Variants in AFF3 observed in about 807,000 individuals in gnomAD.
AFF3 encodes the protein AF4/FMR2 family member 3.
Under a neutral mutation model 129.7 loss-of-function variants are expected in AFF3, and 32 were observed. The ratio of observed to expected loss-of-function variants is 0.25; its 90% confidence interval spans 0.19 to 0.33. The LOEUF is 0.33. Ranked by LOEUF, AFF3 falls within the 10% of genes least tolerant of loss-of-function variation. The probability of loss-of-function intolerance (pLI) is 1.00; values close to 1 mark genes in which losing one functional copy is unlikely to be tolerated. For missense variants in AFF3, 1,373 were observed against 1,592.0 expected (o/e 0.86, Z 2.34); for synonymous variants, 644 against 635.4 (o/e 1.01, Z -0.20).
At chr2:99,936,749 G>A (rs954432857) in intron 7 of AFF3, among the ~76,000 whole-genome samples, 4 of 152,164 alleles carry the variant, frequency 2.6e-5, no homozygotes, top group Admixed American at 2.6e-4. Flanking sequence ...TGCTAAAAAG[G>A]CAAACACACT....
intron 4 of AFF3, among the ~76,000 whole-genome samples, chr2:100,056,973 G>A (rs1396442175): frequency 1.3e-5 from 2 of 152,092 alleles, no homozygotes; most frequent in African/African-American, 4.8e-5. Context: ...CAGGGTTCAT[G>A]GGCTCTCAGG....
chr2:99,677,140 T>C lies in AFF3; in HGVS notation c.1092-4551A>G, dbSNP rs189085920. Among the ~76,000 whole-genome samples the C allele has an allele frequency of 6.5e-4, 99 of 151,802 alleles. No homozygotes were observed. The Middle Eastern group carries it at 0.021, about 32-fold the overall frequency. ...TAAAAATTAGACAGACATGGTGGTA[T>C]GGACCTGTAAACCCAGCTACTAGGG... On this transcript the variant is annotated intron_variant, in intron 11 of 24. Transcript: ENST00000672756.
chr2:99,786,450 GATAAA>G (rs1164913127), intron 8 of AFF3, among the ~76,000 whole-genome samples: 2 of 152,138 alleles, frequency 1.3e-5, no homozygotes, highest in African/African-American at 4.8e-5. Flanking sequence ...TGAATGTTCA[GATAAA>G]ATAAAGTTCA....
intron 20 of AFF3, 68 bp from the exon 21 acceptor site, chr2:99,560,504 T>TCATCCA: frequency 6.9e-7 from 1 of 1,450,062 alleles, no homozygotes; most frequent in Non-Finnish European, 9.6e-7. Flanking sequence ...AAAACTAGCT[T>TCATCCA]TTTTATTAAC....
intron 8 of AFF3, among the ~76,000 whole-genome samples, chr2:99,782,110 C>T (rs1684458913): frequency 6.6e-6 from 1 of 152,138 alleles, no homozygotes; most frequent in Non-Finnish European, 1.5e-5. Flanking sequence ...CTTTACAGAT[C>T]TTCTTTACAT....
chr2:99,937,096 T>A (rs1258543898), intron 7 of AFF3, among the ~76,000 whole-genome samples: 8 of 152,146 alleles, frequency 5.3e-5, no homozygotes, highest in Admixed American at 2.0e-4. Context: ...CATTTTGGAT[T>A]TTGGATTTTT....
chr2:100,019,333 A>G (rs1683397371), intron 4 of AFF3, among the ~76,000 whole-genome samples: 1 of 152,228 alleles, frequency 6.6e-6, no homozygotes, highest in Admixed American at 6.5e-5. Context: ...CATTGAACTG[A>G]ATCAACTTAC....
chr2:99,623,897 G>T (rs1558659674), intron 13 of AFF3, among the ~76,000 whole-genome samples: 1 of 152,200 alleles, frequency 6.6e-6, no homozygotes, highest in Non-Finnish European at 1.5e-5. Context: ...GGGAGCCAAG[G>T]CTCTGAGCCC....
chr2:100,008,249 C>A (rs1343861310), intron 5 of AFF3, among the ~76,000 whole-genome samples: 1 of 152,102 alleles, frequency 6.6e-6, no homozygotes, highest in Non-Finnish European at 1.5e-5. Flanking sequence ...GAACATGGGG[C>A]TAAATGTGCA....
intron 7 of AFF3, among the ~76,000 whole-genome samples, chr2:99,862,189 AT>A (rs966789120): frequency 4.0e-5 from 6 of 151,446 alleles, no homozygotes; most frequent in East Asian, 1.9e-4. Flanking sequence ...TATACTTCCT[AT>A]TTTTTTTCCT....
intron 13 of AFF3, among the ~76,000 whole-genome samples, chr2:99,616,098 A>G (rs986126974): frequency 6.6e-6 from 1 of 152,154 alleles, no homozygotes; most frequent in African/African-American, 2.4e-5. Flanking sequence ...TCCTACCTCA[A>G]TCCTGGAAGA....
At chr2:100,032,908 G>A (rs982632945) in intron 4 of AFF3, among the ~76,000 whole-genome samples, 1 of 152,154 alleles carries the variant, frequency 6.6e-6, no homozygotes, top group African/African-American at 2.4e-5. Flanking sequence ...ATTACCATAA[G>A]TAGTAAGTAA....
intron 9 of AFF3, among the ~76,000 whole-genome samples, chr2:99,749,551 G>A (rs187313987): frequency 6.6e-5 from 10 of 152,312 alleles, no homozygotes; most frequent in African/African-American, 2.2e-4. Context: ...GCTAGATTAC[G>A]TGCAAAGATT....
intron 22 of AFF3, among the ~76,000 whole-genome samples, chr2:99,557,859 T>C (rs1209401423): frequency 2.0e-5 from 3 of 152,158 alleles, no homozygotes; most frequent in African/African-American, 7.2e-5. Flanking sequence ...AGATCTCAAA[T>C]GATGGTTGTG....
At chr2:99,956,932 A>T (rs1559009118) in intron 7 of AFF3, among the ~76,000 whole-genome samples, 1 of 152,232 alleles carries the variant, frequency 6.6e-6, no homozygotes, top group Non-Finnish European at 1.5e-5. Context: ...TAAGCATAAA[A>T]CAAAATAATA....
intron 9 of AFF3, among the ~76,000 whole-genome samples, chr2:99,745,864 C>T (rs758119111): frequency 6.6e-6 from 1 of 152,126 alleles, no homozygotes; most frequent in African/African-American, 2.4e-5. Flanking sequence ...GCAAAATTCT[C>T]ATTTAATAGA....
intron 9 of AFF3, among the ~76,000 whole-genome samples, chr2:99,748,255 G>A (rs1474501828): frequency 6.6e-6 from 1 of 152,120 alleles, no homozygotes; most frequent in African/African-American, 2.4e-5. Context: ...ACCCCATCCA[G>A]ATACCTACAT....
At chr2:100,080,367 T>G (rs1319380565) in intron 4 of AFF3, among the ~76,000 whole-genome samples, 1 of 152,216 alleles carries the variant, frequency 6.6e-6, no homozygotes, top group Non-Finnish European at 1.5e-5. Context: ...AATTAAAACG[T>G]TAATATAGTT....
intron 4 of AFF3, among the ~76,000 whole-genome samples, chr2:100,049,001 C>T (rs1333537677): frequency 6.6e-6 from 1 of 152,148 alleles, no homozygotes; most frequent in Non-Finnish European, 1.5e-5. Context: ...TTCCAAAGCA[C>T]AACTGCCTTT....
Sources: allele counts gnomAD v4.1 joint callset (sites outside exome capture counted in the v4.1 genomes callset), GRCh38; gene constraint gnomAD v4.1.1; transcripts MANE v1.5; gene names NCBI Gene and HGNC (gene_info 2026-07-23, HGNC 2026-07-21).